The following RBFOX1 variants were observed in gnomAD, a reference collection of about 807,000 sequenced individuals.
RBFOX1 encodes RNA binding fox-1 homolog 1.
Under a neutral mutation model 57.7 loss-of-function variants are expected in RBFOX1, and 8 were observed. That is an observed-to-expected ratio of 0.14 (90% CI 0.08 to 0.25). RBFOX1 has a LOEUF of 0.25. RBFOX1 is among the 10% of genes least tolerant of loss of function. RBFOX1 has a pLI of 1.00. For missense variants in RBFOX1, 611 were observed against 548.5 expected (o/e 1.11, Z -1.14); for synonymous variants, 326 against 222.4 (o/e 1.47, Z -4.15).
At chr16:5,774,878 T>C (rs2054094757) in intron 3 of RBFOX1, among the ~76,000 whole-genome samples, 1 of 152,154 alleles carries the variant, frequency 6.6e-6, no homozygotes, top group African/African-American at 2.4e-5. Context: ...ACCTGGAGTT[T>C]CACCATGTTG....
At chr16:5,780,452 A>G (rs1262077774) in intron 3 of RBFOX1, among the ~76,000 whole-genome samples, 2 of 152,240 alleles carry the variant, frequency 1.3e-5, no homozygotes, top group African/African-American at 2.4e-5. Flanking sequence ...CATATATTAC[A>G]CAAGGGAATG....
At chr16:7,459,320 C>G (rs189715523) in intron 4 of RBFOX1, among the ~76,000 whole-genome samples, 23 of 152,280 alleles carry the variant, frequency 1.5e-4, no homozygotes, top group Admixed American at 2.6e-4. Context: ...TCCAGAGATC[C>G]TTTTAACTCA....
At chr16:6,838,660 T>G (rs1047936428) in intron 3 of RBFOX1, among the ~76,000 whole-genome samples, 1 of 152,214 alleles carries the variant, frequency 6.6e-6, no homozygotes, top group African/African-American at 2.4e-5. Context: ...CCTAGAATTC[T>G]TTATTGGGCA....
intron 3 of RBFOX1, among the ~76,000 whole-genome samples, chr16:7,035,205 G>A (rs139100973): frequency 9.5e-4 from 144 of 152,032 alleles, no homozygotes; most frequent in African/African-American, 3.4e-3. Context: ...TTGGTCCTCA[G>A]TCTCACTTTG....
intron 4 of RBFOX1, among the ~76,000 whole-genome samples, chr16:7,066,520 A>C (rs1039193155): frequency 2.0e-5 from 3 of 152,118 alleles, no homozygotes; most frequent in Non-Finnish European, 1.5e-5. Flanking sequence ...ATAGCTACCA[A>C]ATGAGCTGAG....
intron 4 of RBFOX1, among the ~76,000 whole-genome samples, chr16:7,444,595 T>C (rs148459321): frequency 2.6e-4 from 40 of 152,212 alleles, no homozygotes; most frequent in African/African-American, 8.7e-4. Context: ...TGCAGTGGCA[T>C]GATCCTAGCT....
chr16:6,521,810 T>G (rs1318398888), intron 2 of RBFOX1, among the ~76,000 whole-genome samples: 2 of 152,116 alleles, frequency 1.3e-5, no homozygotes, highest in Non-Finnish European at 2.9e-5. Flanking sequence ...AGCTAAATAG[T>G]GAGGAATCCT....
chr16:5,386,232 G>A (rs2066251013), intron 1 of RBFOX1, among the ~76,000 whole-genome samples: 1 of 152,002 alleles, frequency 6.6e-6, no homozygotes. Flanking sequence ...ATGGAGTGGA[G>A]GTTAGAACTG....
intron 1 of RBFOX1, among the ~76,000 whole-genome samples, chr16:6,064,612 C>A (rs2095734913): frequency 6.6e-6 from 1 of 152,014 alleles, no homozygotes; most frequent in Non-Finnish European, 1.5e-5. Flanking sequence ...GCGATCTCGG[C>A]TCACTGCAAC....
chr16:5,981,263 T>C (rs1382503927), intron 4 of RBFOX1, among the ~76,000 whole-genome samples: 1 of 152,214 alleles, frequency 6.6e-6, no homozygotes, highest in Non-Finnish European at 1.5e-5. Flanking sequence ...AGGGCTGGGC[T>C]GGATCTTTGG....
intron 1 of RBFOX1, among the ~76,000 whole-genome samples, chr16:6,285,647 T>G (rs1399666257): frequency 2.6e-5 from 4 of 152,158 alleles, no homozygotes; most frequent in Non-Finnish European, 4.4e-5. Context: ...GACCATCACG[T>G]TGGCTTGAAT....
At chr16:5,395,730 A>C (rs1019795890) in intron 1 of RBFOX1, among the ~76,000 whole-genome samples, 3 of 152,158 alleles carry the variant, frequency 2.0e-5, no homozygotes, top group Non-Finnish European at 4.4e-5. Context: ...TGATTATGTT[A>C]AATAAAACTC....
intron 1 of RBFOX1, among the ~76,000 whole-genome samples, chr16:5,381,753 A>G (rs1478545977): frequency 6.6e-6 from 1 of 152,208 alleles, no homozygotes; most frequent in East Asian, 1.9e-4. Flanking sequence ...TAATCTCTCA[A>G]CAACTCTGGA....
chr16:5,334,521 G>C (rs1202583795), intron 1 of RBFOX1, among the ~76,000 whole-genome samples: 2 of 151,976 alleles, frequency 1.3e-5, no homozygotes, highest in African/African-American at 4.8e-5. Context: ...GAGGATTCTA[G>C]TAAATAAAGG....
At chr16:7,143,725 A>C (rs2074325182) in intron 4 of RBFOX1, among the ~76,000 whole-genome samples, 1 of 152,020 alleles carries the variant, frequency 6.6e-6, no homozygotes, top group Non-Finnish European at 1.5e-5. Flanking sequence ...TTGATCATAC[A>C]TTCATCCATG....
Position 5,461,637 on chromosome 16 carries a change from C to T in RBFOX1, c.220-5579C>T, listed in dbSNP as rs187910934. On this transcript the variant is annotated intron_variant, in intron 1 of 2. Coordinates refer to the RBFOX1 transcript ENST00000585867. ...TTCTGCCTTTAAGTGGATTCAAGCC[C>T]GAGCCTTGTAATTATCTCAAAAATA... Among the ~76,000 whole-genome samples the T allele has an allele frequency of 5.6e-4, 85 of 152,266 alleles. No homozygotes were observed. The South Asian group carries it at 0.013, about 23-fold the overall frequency.
intron 2 of RBFOX1, among the ~76,000 whole-genome samples, chr16:6,554,045 A>AATGAATGG (rs1365812819): frequency 6.6e-6 from 1 of 152,198 alleles, no homozygotes; most frequent in African/African-American, 2.4e-5. Context: ...TGAATGAATG[A>AATGAATGG]ATGAATGGAT....
intron 14 of RBFOX1, chr16:7,693,444 ATGC>A: frequency 9.5e-7 from 1 of 1,049,558 alleles, no homozygotes; most frequent in Non-Finnish European, 1.4e-6. Flanking sequence ...TCTTCTTCAC[ATGC>A]TGCAGTTGGT....
intron 4 of RBFOX1, among the ~76,000 whole-genome samples, chr16:7,387,748 C>T (rs184163270): frequency 9.2e-5 from 14 of 152,106 alleles, no homozygotes; most frequent in Admixed American, 7.9e-4. Flanking sequence ...CCAGGCCTCC[C>T]CACAATCCCA....
Sources: gnomAD v4.1 joint callset for allele counts (sites outside exome capture counted in the v4.1 genomes callset) on GRCh38, gnomAD v4.1.1 for gene constraint, MANE v1.5 for transcripts, NCBI Gene and HGNC (gene_info 2026-07-23, HGNC 2026-07-21) for gene names.